SORD: variants seen among roughly 807,000 people sequenced by gnomAD.
SORD encodes (R,R)-butanediol dehydrogenase.
SORD carries 18 observed loss-of-function variants against 35.6 expected under a neutral mutation model. That is an observed-to-expected ratio of 0.51 (90% CI 0.35 to 0.75). The LOEUF is 0.75. Ranked by LOEUF, SORD falls within the 30% of genes least tolerant of loss-of-function variation. The pLI is 0.01. For missense variants in SORD, 250 were observed against 390.2 expected (o/e 0.64, Z 3.03); for synonymous variants, 106 against 152.9 (o/e 0.69, Z 2.26).
intron 3 of SORD, among the ~76,000 whole-genome samples, chr15:45,053,820 G>A (rs1385758756): frequency 7.8e-6 from 1 of 128,264 alleles, no homozygotes; most frequent in Non-Finnish European, 1.6e-5. Context: ...ACAGTCCCCA[G>A]AGTGTGATGT....
At chr15:45,048,906 G>T (rs1893086049) in intron 3 of SORD, among the ~76,000 whole-genome samples, 3 of 152,180 alleles carry the variant, frequency 2.0e-5, no homozygotes, top group Admixed American at 2.0e-4. Context: ...AGCTGCGTGT[G>T]TAGCTTCCCT....
intron 1 of SORD, among the ~76,000 whole-genome samples, chr15:45,038,690 T>C (rs1482884308): frequency 1.3e-5 from 2 of 152,234 alleles, no homozygotes; most frequent in Non-Finnish European, 2.9e-5. Flanking sequence ...GTATTTATTA[T>C]CTTGTTAGGA....
chr15:45,024,252 C>CT (rs1453501896), intron 1 of SORD, among the ~76,000 whole-genome samples: 1 of 152,188 alleles, frequency 6.6e-6, no homozygotes, highest in Non-Finnish European at 1.5e-5. Flanking sequence ...CCCTGTACCT[C>CT]TTTTCCCTCA....
At chr15:45,039,424 G>A (rs1396814871) in intron 1 of SORD, among the ~76,000 whole-genome samples, 1 of 152,174 alleles carries the variant, frequency 6.6e-6, no homozygotes, top group African/African-American at 2.4e-5. Context: ...CACTGTGCCC[G>A]GGTACATCTC....
chr15:45,035,311 A>G (rs1374084169), intron 1 of SORD, among the ~76,000 whole-genome samples: 2 of 152,160 alleles, frequency 1.3e-5, no homozygotes, highest in East Asian at 3.9e-4. Context: ...GTCTAGTGGG[A>G]ACTTGGAGGA....
At chr15:45,059,990 C>G (rs1893276947) in intron 3 of SORD, among the ~76,000 whole-genome samples, 2 of 152,128 alleles carry the variant, frequency 1.3e-5, no homozygotes, top group Admixed American at 1.3e-4. Context: ...TGACTGGGAA[C>G]AGATACAGAG....
rs564779557 is a variant in SORD at position 45,068,206 on chromosome 15, C to T, written c.570C>T (p.Leu190=). ...GAGPIGMVTL[L]VAKAMGAAQV... ...GGCCAATCGGGATGGTCACTTTGCT[C>T]GTGGCCAAAGCAATGGGAGCAGCTC... Residue 190 remains leucine, a synonymous_variant, in exon 6 of 9, where the codon CTC becomes CTT. Transcript: ENST00000267814. 42 of 1,613,804 alleles carry T rather than the reference C, an allele frequency of 2.6e-5. No homozygotes were observed. Among genetic ancestry groups the T allele is most frequent in the East Asian group, 1.8e-4 (8 of 44,890 alleles).
intron 1 of SORD, among the ~76,000 whole-genome samples, chr15:45,038,183 C>T (rs1268451398): frequency 7.5e-6 from 1 of 133,910 alleles, no homozygotes; most frequent in Non-Finnish European, 1.6e-5. Context: ...TTCCTTCCTT[C>T]CTTCCTTCCT....
At position 45,073,567 on chromosome 15, in the gene SORD, G is replaced by T. The variant is rs1230142473; in HGVS notation, c.*37G>T. 4 of 1,591,100 alleles carry T rather than the reference G, an allele frequency of 2.5e-6. No individual in the cohort carries two copies. The highest frequency in any genetic ancestry group is 3.4e-6 in the Non-Finnish European group (4 of 1,171,772). On this transcript the variant is annotated 3_prime_UTR_variant, in exon 9 of 9. Transcript: ENST00000267814. ...TCTGCCCTCATCCCCACAGTCTTGG[G>T]ATCTCAGGGCACAATGGCTGGACAT...
chr15:45,060,325 C>T (rs1323803840), intron 3 of SORD, among the ~76,000 whole-genome samples: 1 of 152,124 alleles, frequency 6.6e-6, no homozygotes, highest in African/African-American at 2.4e-5. Context: ...TTGAATTTTG[C>T]TGTATGTTTG....
At chr15:45,028,337 C>T (rs116699837) in intron 1 of SORD, among the ~76,000 whole-genome samples, 1 of 151,786 alleles carries the variant, frequency 6.6e-6, no homozygotes, top group African/African-American at 2.4e-5. Flanking sequence ...AAAACAAAAA[C>T]AAACAAAAAA....
At chr15:45,038,139 C>CTTT (rs1595497717) in intron 1 of SORD, among the ~76,000 whole-genome samples, 68 of 75,946 alleles carry the variant, frequency 9.0e-4, no homozygotes, top group African/African-American at 5.2e-3. Flanking sequence ...TTCCTTCCTT[C>CTTT]CTTCCTTCCT....
In SORD at chr15:45,040,343, G is replaced by A. The variant is rs953187393; in HGVS notation, c.67-65G>A. 7.2e-6 allele frequency: 7 copies of A among 974,040 alleles called. No individual in the cohort carries two copies. In the East Asian group the frequency reaches 1.4e-4, roughly 20 times the overall value. The allele number at this position is 974,040 out of a possible 1,614,324, so 60.3% of individuals were successfully genotyped here. The stretch of plus-strand genomic sequence containing the variant: ...GATGAAACTCTAATTGTTTTTAATG[G>A]AAAATGTTCATAAGGTGAAGTTCTT... On this transcript the variant is annotated intron_variant, in intron 1 of 8. Transcript: ENST00000267814.
chr15:45,026,552 G>C (rs1008492477), intron 1 of SORD, among the ~76,000 whole-genome samples: 13 of 148,484 alleles, frequency 8.8e-5, no homozygotes, highest in African/African-American at 3.4e-4. Flanking sequence ...GCCGATTTAG[G>C]TATACAGGGG....
chr15:45,073,492 A>G lies in SORD; in HGVS notation c.1036A>G (p.Ile346Val), dbSNP rs1893546863. 6.4e-7 allele frequency: 1 copy of G among 1,552,338 alleles called. No homozygotes were observed. The highest frequency in any genetic ancestry group is 2.2e-5 in the East Asian group (1 of 44,632). ...ATTTAAAAAGGGATTGGGGTTGAAAATCATGCTCAAGTGTGACCCCAGTGA... is the reference window on the plus strand; with the variant it reads ...ATTTAAAAAGGGATTGGGGTTGAAAGTCATGCTCAAGTGTGACCCCAGTGA... ...ETFKKGLGLK[I>V]MLKCDPSDQN... Residue 346 changes from isoleucine (I) to valine (V), a missense_variant, in exon 9 of 9, where the codon ATC becomes GTC. By Grantham distance (29) the Ile-to-Val change is conservative. Coordinates refer to ENST00000267814, the MANE Select transcript of SORD (RefSeq NM_003104.6).
intron 1 of SORD, among the ~76,000 whole-genome samples, chr15:45,025,624 C>CTAAAAAA (rs1892656250): frequency 1.5e-5 from 1 of 68,256 alleles, no homozygotes; most frequent in Non-Finnish European, 3.3e-5. Flanking sequence ...AAAACTATGT[C>CTAAAAAA]AAAAAAAAAA....
intron 1 of SORD, among the ~76,000 whole-genome samples, chr15:45,024,435 A>G (rs1206856898): frequency 7.9e-5 from 12 of 152,328 alleles, no homozygotes; most frequent in South Asian, 2.1e-4. Flanking sequence ...GCCCCTCTAT[A>G]GAACCCTTGT....
In SORD at chr15:45,073,536, A is replaced by G; in HGVS notation, c.*6A>G. 1.3e-6 allele frequency: 2 copies of G among 1,595,906 alleles called. No individual in the cohort carries two copies. The highest frequency in any genetic ancestry group is 8.5e-7 in the Non-Finnish European group (1 of 1,174,242). On this transcript the variant is annotated 3_prime_UTR_variant, in exon 9 of 9. Coordinates refer to ENST00000267814, the MANE Select transcript of SORD (RefSeq NM_003104.6). ...CCAGTGACCAGAATCCCTGATGTTA[A>G]TGGGCTCTGCCCTCATCCCCACAGT...
chr15:45,066,906 A>T (rs1230883262), intron 5 of SORD, among the ~76,000 whole-genome samples: 1 of 152,162 alleles, frequency 6.6e-6, no homozygotes, highest in Non-Finnish European at 1.5e-5. Flanking sequence ...CACATACCAC[A>T]CACATGCATG....
Sources: allele counts gnomAD v4.1 joint callset (sites outside exome capture counted in the v4.1 genomes callset), GRCh38; gene constraint gnomAD v4.1.1; transcripts MANE v1.5; gene names NCBI Gene and HGNC (gene_info 2026-07-23, HGNC 2026-07-21).